Variants in SPIDR observed in about 807,000 individuals in gnomAD.
The protein encoded by SPIDR is scaffold protein involved in DNA repair.
Under a neutral mutation model 104.6 loss-of-function variants are expected in SPIDR, and 93 were observed. The ratio of observed to expected loss-of-function variants is 0.89; its 90% confidence interval spans 0.75 to 1.06. The LOEUF is 1.06. SPIDR is among the 50% of genes least tolerant of loss of function. The probability of loss-of-function intolerance (pLI) is 0.00; values close to 1 mark genes in which losing one functional copy is unlikely to be tolerated. For synonymous variants in SPIDR, 431 were observed against 416.9 expected, an observed-to-expected ratio of 1.03 and a Z score of -0.41; for missense variants, 1,154 against 1,111.2, an observed-to-expected ratio of 1.04 and a Z score of -0.55.
chr8:47,318,297 G>A (rs2045829309), intron 5 of SPIDR, among the ~76,000 whole-genome samples: 1 of 152,086 alleles, frequency 6.6e-6, no homozygotes, highest in South Asian at 2.1e-4. Context: ...CGTGACGAAT[G>A]CACAAGCCTC....
intron 11 of SPIDR, among the ~76,000 whole-genome samples, chr8:47,700,018 A>G (rs1215498990): frequency 2.6e-5 from 4 of 152,210 alleles, no homozygotes; most frequent in Non-Finnish European, 4.4e-5. Flanking sequence ...ATATATATAG[A>G]TGCATGCATA....
chr8:47,642,563 A>C (rs985246736), intron 10 of SPIDR, among the ~76,000 whole-genome samples: 1 of 152,210 alleles, frequency 6.6e-6, no homozygotes, highest in African/African-American at 2.4e-5. Context: ...TAAAGTGTTA[A>C]TGTTTTTCGT....
chr8:47,439,052 A>G (rs1053660122), intron 7 of SPIDR, among the ~76,000 whole-genome samples: 3 of 152,202 alleles, frequency 2.0e-5, no homozygotes, highest in African/African-American at 4.8e-5. Flanking sequence ...TTCTCAGTTT[A>G]TGTATTTTTT....
chr8:47,648,345 A>G (rs989288335), intron 10 of SPIDR, among the ~76,000 whole-genome samples: 1 of 152,232 alleles, frequency 6.6e-6, no homozygotes, highest in African/African-American at 2.4e-5. Context: ...GAGAGAGCTG[A>G]GATGATGGTT....
chr8:47,543,828 A>C (rs897536810), intron 8 of SPIDR, among the ~76,000 whole-genome samples: 1 of 152,144 alleles, frequency 6.6e-6, no homozygotes, highest in Non-Finnish European at 1.5e-5. Context: ...GAAGGGATGC[A>C]TTGTCAAGCT....
At chr8:47,486,414 C>A (rs1586534097) in intron 8 of SPIDR, among the ~76,000 whole-genome samples, 3 of 152,090 alleles carry the variant, frequency 2.0e-5, no homozygotes. Context: ...ATGGAACCAA[C>A]CTGGAAAACA....
chr8:47,294,999 T>C (rs1375633087), intron 5 of SPIDR, among the ~76,000 whole-genome samples: 1 of 152,210 alleles, frequency 6.6e-6, no homozygotes, highest in African/African-American at 2.4e-5. Context: ...CATTGTTTTT[T>C]CCCCTTCATT....
At chr8:47,482,593 A>C (rs1185686770) in intron 8 of SPIDR, among the ~76,000 whole-genome samples, 3 of 152,152 alleles carry the variant, frequency 2.0e-5, no homozygotes, top group Non-Finnish European at 4.4e-5. Flanking sequence ...CCTACTACCT[A>C]GTGAAGGGGA....
At chr8:47,492,671 T>TC (rs775216239) in intron 8 of SPIDR, among the ~76,000 whole-genome samples, 25 of 152,200 alleles carry the variant, frequency 1.6e-4, no homozygotes, top group Non-Finnish European at 4.4e-5. Flanking sequence ...TTTTTGGTCC[T>TC]CCTTTGTGTG....
intron 5 of SPIDR, among the ~76,000 whole-genome samples, chr8:47,331,965 C>CTTTTTTTTTT (rs1183447584): frequency 1.8e-3 from 58 of 32,706 alleles, no homozygotes; most frequent in Non-Finnish European, 2.7e-3. Context: ...TTTTTTTAAA[C>CTTTTTTTTTT]TTTTTTTTTT....
At chr8:47,268,320 C>A (rs1459369827) in intron 1 of SPIDR, among the ~76,000 whole-genome samples, 6 of 152,106 alleles carry the variant, frequency 3.9e-5, no homozygotes, top group African/African-American at 1.2e-4. Context: ...GTTTTGGGTT[C>A]ATTACATTTC....
At chr8:47,324,729 G>T (rs180793276) in intron 5 of SPIDR, among the ~76,000 whole-genome samples, 34 of 152,292 alleles carry the variant, frequency 2.2e-4, no homozygotes, top group Admixed American at 1.9e-3. Flanking sequence ...AGGAAGTCTA[G>T]GTTGATTATA....
At chr8:47,487,827 G>A (rs200700434) in intron 8 of SPIDR, among the ~76,000 whole-genome samples, 50 of 152,158 alleles carry the variant, frequency 3.3e-4, no homozygotes, top group African/African-American at 1.1e-3. Context: ...GACACAACAT[G>A]CCAGAATCTC....
At chr8:47,365,238 C>T (rs28468411) in intron 5 of SPIDR, among the ~76,000 whole-genome samples, 58 of 152,330 alleles carry the variant, frequency 3.8e-4, no homozygotes, top group Admixed American at 1.1e-3. Context: ...TCCACATTCA[C>T]GTGGTCCAAG....
chr8:47,525,055 G>T (rs1053446185), intron 8 of SPIDR, among the ~76,000 whole-genome samples: 6 of 152,208 alleles, frequency 3.9e-5, no homozygotes, highest in African/African-American at 1.4e-4. Flanking sequence ...CTGATCCGAG[G>T]CATTCTTCCC....
At chr8:47,669,026 C>T (rs1436287915) in intron 10 of SPIDR, among the ~76,000 whole-genome samples, 1 of 152,104 alleles carries the variant, frequency 6.6e-6, no homozygotes, top group Non-Finnish European at 1.5e-5. Context: ...CTTCAATGCT[C>T]ACAACAGCCC....
rs1018004956 is a variant in SPIDR at position 47,511,896 on chromosome 8, AT to A, written c.1097+71355del. 3.9e-5 allele frequency: 31 copies of A among 799,586 alleles called. No homozygotes were observed. In the East Asian group the frequency reaches 3.9e-4, roughly 10 times the overall value. The allele number at this position is 799,586 out of a possible 1,614,324, so 49.5% of individuals were successfully genotyped here. A position where few individuals can be genotyped will look rare whatever the true frequency, so the allele number is the denominator to read the frequency against. On this transcript the variant is annotated intron_variant, in intron 8 of 19. Coordinates refer to ENST00000297423, the MANE Select transcript of SPIDR (RefSeq NM_001080394.4). The stretch of plus-strand genomic sequence containing the variant: ...GGCCTTCCTCCTCTTCCTCATCCTC[AT>A]CTTGGTCATGAGTGAGATCTCTAAA...
intron 7 of SPIDR, among the ~76,000 whole-genome samples, chr8:47,438,680 T>C: frequency 6.6e-6 from 1 of 152,124 alleles, no homozygotes; most frequent in Admixed American, 6.5e-5. Flanking sequence ...TTCATATCCT[T>C]CCCCCATTCT....
intron 8 of SPIDR, among the ~76,000 whole-genome samples, chr8:47,556,369 T>G (rs2091325697): frequency 6.6e-6 from 1 of 152,206 alleles, no homozygotes; most frequent in South Asian, 2.1e-4. Flanking sequence ...CTAGAGACAC[T>G]GGGTTTAATC....
Sources: allele counts gnomAD v4.1 joint callset (sites outside exome capture counted in the v4.1 genomes callset), GRCh38; gene constraint gnomAD v4.1.1; transcripts MANE v1.5; gene names NCBI Gene and HGNC (gene_info 2026-07-23, HGNC 2026-07-21).